Variants in WWOX observed in about 807,000 individuals in gnomAD.
WWOX encodes the protein WW domain containing oxidoreductase, also known as WW domain-containing oxidoreductase.
In WWOX, 69 loss-of-function variants were observed where a neutral mutation model predicts 46.2. The ratio of observed to expected loss-of-function variants is 1.49; its 90% CI spans 1.23 to 1.82. WWOX has a LOEUF of 1.82. Ranked by LOEUF, WWOX falls within the 40% of genes most tolerant of loss-of-function variation. The probability of loss-of-function intolerance (pLI) is 0.00; values close to 1 mark genes in which losing one functional copy is unlikely to be tolerated. For missense variants in WWOX, 919 were observed against 542.6 expected, an observed-to-expected ratio of 1.69 and a Z score of -6.89; for synonymous variants, 359 against 202.6, an observed-to-expected ratio of 1.77 and a Z score of -6.56.
At chr16:78,419,653 G>T (rs142425032) in intron 6 of WWOX, among the ~76,000 whole-genome samples, 3,652 of 139,784 alleles carry the variant, frequency 0.026, 180 homozygotes, top group African/African-American at 0.096. Context: ...AAAAAAAAGG[G>T]TCAGAGACTT....
rs1026539531 is a variant in WWOX at position 78,840,829 on chromosome 16, T to C, written c.1057-370779T>C. Among the ~76,000 whole-genome samples, 4 of 152,242 alleles carry C rather than the reference T, an allele frequency of 2.6e-5. No individual in the cohort carries two copies. The East Asian group carries it at 7.7e-4, about 29-fold the overall frequency. On this transcript the variant is annotated intron_variant, in intron 8 of 8. Transcript: ENST00000566780. ...GGTATATATATTTGTGGTCTGTGTT[T>C]CTTATAAATTGGTAATCCCCCAGGG...
At chr16:79,042,728 G>GTTTTT (rs11379084) in intron 8 of WWOX, among the ~76,000 whole-genome samples, 26,795 of 142,700 alleles carry the variant, frequency 0.19, 2,687 homozygotes, top group African/African-American at 0.26. Context: ...AATACTCAGG[G>GTTTTT]TTTTTTTTTT....
At chr16:78,594,442 CCCCG>C (rs1438646193) in intron 8 of WWOX, among the ~76,000 whole-genome samples, 1 of 84,920 alleles carries the variant, frequency 1.2e-5, no homozygotes, top group Non-Finnish European at 2.6e-5. Flanking sequence ...CCCCCCCCCC[CCCCG>C]CCAAATTGTC....
intron 8 of WWOX, among the ~76,000 whole-genome samples, chr16:78,753,819 AAAAAAAATATATAT>A (rs1364958401): frequency 2.9e-5 from 2 of 68,422 alleles, no homozygotes; most frequent in African/African-American, 9.8e-5. Flanking sequence ...AAAAAAAAAA[AAAAAAAATATATAT>A]ATATATATAT....
chr16:78,911,854 G>A (rs573706780), intron 8 of WWOX, among the ~76,000 whole-genome samples: 2 of 152,100 alleles, frequency 1.3e-5, no homozygotes, highest in East Asian at 3.9e-4. Context: ...TGACAGAGCA[G>A]GACTCCATCT....
intron 8 of WWOX, among the ~76,000 whole-genome samples, chr16:78,637,569 A>T (rs924226675): frequency 5.9e-5 from 9 of 152,178 alleles, no homozygotes; most frequent in African/African-American, 1.7e-4. Context: ...TTGCTTTGGA[A>T]CCTTCTACTA....
chr16:78,704,290 C>T (rs919126719), intron 8 of WWOX, among the ~76,000 whole-genome samples: 2 of 152,126 alleles, frequency 1.3e-5, no homozygotes, highest in South Asian at 2.1e-4. Flanking sequence ...TCCAAAATTT[C>T]CTCATCTTGA....
intron 5 of WWOX, among the ~76,000 whole-genome samples, chr16:78,185,326 C>G (rs781131139): frequency 6.6e-6 from 1 of 152,160 alleles, no homozygotes; most frequent in Admixed American, 6.5e-5. Flanking sequence ...GCGTCAAAGA[C>G]CCTCCCGCCT....
At chr16:78,523,626 G>T (rs1303885220) in intron 8 of WWOX, among the ~76,000 whole-genome samples, 2 of 152,308 alleles carry the variant, frequency 1.3e-5, no homozygotes, top group South Asian at 2.1e-4. Flanking sequence ...TCCACCTTGG[G>T]TGAAAAAACT....
At chr16:78,668,203 C>G (rs1049157740) in intron 8 of WWOX, among the ~76,000 whole-genome samples, 1 of 152,142 alleles carries the variant, frequency 6.6e-6, no homozygotes, top group Non-Finnish European at 1.5e-5. Context: ...CCACTGGAAC[C>G]TGGGAAGCGG....
intron 8 of WWOX, chr16:78,897,742 G>A (rs918758577): frequency 2.0e-5 from 3 of 151,746 alleles, no homozygotes; most frequent in Non-Finnish European, 4.4e-5. Context: ...TAAGAATGCT[G>A]CCAAACAGTT....
rs374640953 is a variant in WWOX at position 78,144,091 on chromosome 16, C to T, written c.410-20092C>T. On this transcript the variant is annotated intron_variant, in intron 4 of 8. Transcript: ENST00000566780. ...ATATTCACATCTGTAAGAAATTTTC[C>T]ACCTGCCCCTTGGCTCAGGCAATTT... Among the ~76,000 whole-genome samples the T allele has an allele frequency of 6.2e-4, 95 of 152,192 alleles. No homozygotes were observed. In the South Asian group the frequency reaches 7.5e-3, roughly 12 times the overall value.
intron 8 of WWOX, among the ~76,000 whole-genome samples, chr16:78,583,296 T>A (rs2045110430): frequency 6.6e-6 from 1 of 152,118 alleles, no homozygotes. Flanking sequence ...AGAGTGAGGG[T>A]ACAACTGGCT....
rs893665278 is a variant in WWOX, at chr16:78,133,660, T to C, written c.409+18506T>C. Reference sequence around the variant, plus strand: ...ATCCACCCGCCTCGGCCTCCCAAAGTAGTGGAATCACAGACATGAGCCACC... The same window carrying C: ...ATCCACCCGCCTCGGCCTCCCAAAGCAGTGGAATCACAGACATGAGCCACC... On this transcript the variant is annotated intron_variant, in intron 4 of 8. Coordinates refer to ENST00000566780, the MANE Select transcript of WWOX (RefSeq NM_016373.4). Among the ~76,000 whole-genome samples the C allele has an allele frequency of 2.6e-5, 4 of 152,188 alleles. No individual in the cohort carries two copies. In the South Asian group the frequency reaches 6.2e-4, roughly 24 times the overall value.
intron 5 of WWOX, among the ~76,000 whole-genome samples, chr16:78,373,312 A>G (rs544659364): frequency 2.3e-4 from 35 of 152,284 alleles, no homozygotes; most frequent in African/African-American, 6.5e-4. Context: ...GGCTTTGTCT[A>G]TTTGGTGAGT....
At chr16:78,757,194 A>G (rs2049672467) in intron 8 of WWOX, among the ~76,000 whole-genome samples, 1 of 152,172 alleles carries the variant, frequency 6.6e-6, no homozygotes, top group Non-Finnish European at 1.5e-5. Flanking sequence ...AAAGTTAATT[A>G]TTGTTTCAGC....
chr16:78,712,263 G>T (rs2048459724), intron 8 of WWOX, among the ~76,000 whole-genome samples: 1 of 152,082 alleles, frequency 6.6e-6, no homozygotes, highest in Admixed American at 6.6e-5. Context: ...CAGCACTTTG[G>T]GAGGCCGAGG....
intron 8 of WWOX, among the ~76,000 whole-genome samples, chr16:78,487,876 C>G (rs554807389): frequency 3.3e-5 from 5 of 152,272 alleles, no homozygotes; most frequent in African/African-American, 1.2e-4. Context: ...GGGCATAAGG[C>G]AACCTTATGT....
At chr16:78,686,372 G>T (rs901824351) in intron 8 of WWOX, among the ~76,000 whole-genome samples, 1 of 152,126 alleles carries the variant, frequency 6.6e-6, no homozygotes, top group East Asian at 1.9e-4. Context: ...TTAGCCAGGC[G>T]TGGTGGCGGG....
Sources: gnomAD v4.1 joint callset for allele counts (sites outside exome capture counted in the v4.1 genomes callset) on GRCh38, gnomAD v4.1.1 for gene constraint, MANE v1.5 for transcripts, NCBI Gene and HGNC (gene_info 2026-07-23, HGNC 2026-07-21) for gene names.